TRPM8: variants seen among roughly 807,000 people sequenced by gnomAD.
TRPM8 encodes the protein transient receptor potential cation channel subfamily M member 8.
A neutral mutation model predicts 133.7 loss-of-function variants in TRPM8; 110 were observed. The observed-to-expected ratio is 0.82, with a 90% CI of 0.70 to 0.96. TRPM8 has a LOEUF of 0.96. Ranked by LOEUF, TRPM8 falls within the 40% of genes least tolerant of loss-of-function variation. TRPM8 has a pLI of 0.00. For missense variants in TRPM8, 1,291 were observed against 1,379.5 expected (o/e 0.94, Z 1.02); for synonymous variants, 535 against 532.3 (o/e 1.01, Z -0.07).
chr2:234,012,680 A>G (rs2125411943), intron 24 of TRPM8, among the ~76,000 whole-genome samples: 1 of 152,140 alleles, frequency 6.6e-6, no homozygotes, highest in African/African-American at 2.4e-5. Flanking sequence ...TCCTTGCCTT[A>G]TTCTTGATCT....
chr2:233,966,687 G>A lies in TRPM8; in HGVS notation c.1957G>A (p.Gly653Arg), dbSNP rs1389644646. Residue 653 changes from glycine to arginine, a missense_variant, in exon 15 of 26, where the codon GGA becomes AGA. Physicochemically the swap from Gly to Arg is moderately radical, Grantham distance 125. This residue lies in a region of TRPM8 where 963 missense variants were observed against 968.9 expected (regional missense o/e 0.99). Coordinates refer to ENST00000324695, the MANE Select transcript of TRPM8 (RefSeq NM_024080.5). ...GGTCTATTCCTGTGAAGCTTGGGGT[G>A]GAAGCAACTGTCTGGAGCTGGCGGT... ...LLVYSCEAWG[G>R]SNCLELAVEA... 2.5e-6 allele frequency: 4 copies of A among 1,613,722 alleles called. No homozygotes were observed. The highest frequency in any genetic ancestry group is 1.7e-4 in the Middle Eastern group (1 of 6,058).
chr2:233,966,656 G>A lies in TRPM8; in HGVS notation c.1926G>A (p.Gln642=). The change falls in exon 15 of 26, where the codon CAG becomes CAA. Residue 642 remains glutamine, a synonymous_variant. Coordinates refer to ENST00000324695, the MANE Select transcript of TRPM8 (RefSeq NM_024080.5). Reference sequence around the variant, plus strand: ...GCAGCGATGAAGACTTGGCAGAACAGCTGCTGGTCTATTCCTGTGAAGCTT... The same window carrying A: ...GCAGCGATGAAGACTTGGCAGAACAACTGCTGGTCTATTCCTGTGAAGCTT... ...CYSSDEDLAE[Q]LLVYSCEAWG... 6.2e-7 allele frequency: 1 copy of A among 1,614,090 alleles called. No individual in the cohort carries two copies. The highest frequency in any genetic ancestry group is 1.7e-5 in the Admixed American group (1 of 60,010).
intron 22 of TRPM8, among the ~76,000 whole-genome samples, chr2:234,000,685 T>A (rs1395566281): frequency 2.0e-5 from 3 of 151,840 alleles, no homozygotes; most frequent in African/African-American, 7.3e-5. Flanking sequence ...AACAACCTTT[T>A]TTTTTTTTTC....
intron 25 of TRPM8, 108 bp from the exon 26 acceptor site, chr2:234,017,191 A>T: frequency 5.1e-6 from 2 of 388,978 alleles, no homozygotes; most frequent in African/African-American, 2.1e-5. Flanking sequence ...GTATATTTGG[A>T]TCTATTCCCA....
At chr2:233,999,322 G>A (rs1692490267) in intron 22 of TRPM8, among the ~76,000 whole-genome samples, 1 of 152,218 alleles carries the variant, frequency 6.6e-6, no homozygotes, top group Non-Finnish European at 1.5e-5. Context: ...ACACATAGCA[G>A]CTGGGTTCCT....
intron 14 of TRPM8, 143 bp downstream of exon 14, chr2:233,964,900 G>A (rs1574733605): frequency 2.6e-6 from 2 of 772,620 alleles, no homozygotes; most frequent in East Asian, 2.8e-5. Flanking sequence ...AGACCACAAG[G>A]TCTGGATGCG....
chr2:233,936,946 G>T (rs1327115206), intron 3 of TRPM8, among the ~76,000 whole-genome samples: 3 of 143,756 alleles, frequency 2.1e-5, no homozygotes, highest in Non-Finnish European at 4.5e-5. Flanking sequence ...ACCCAGGTTG[G>T]AGTGCAGTGG....
At chr2:233,959,897 T>C (rs891375051) in intron 11 of TRPM8, among the ~76,000 whole-genome samples, 1 of 151,770 alleles carries the variant, frequency 6.6e-6, no homozygotes, top group Non-Finnish European at 1.5e-5. Context: ...TTCTCGTGCC[T>C]CAGCCTCCCA....
chr2:233,969,996 G>A (rs1033530843), intron 16 of TRPM8, 189 bp downstream of exon 16: 2 of 666,456 alleles, frequency 3.0e-6, no homozygotes, highest in Middle Eastern at 4.2e-4. Flanking sequence ...GTAGGGGTGG[G>A]GTTGTGTCTT....
Position 233,920,855 on chromosome 2 carries a change from A to ATTT in TRPM8, c.-6+3439_-6+3441dup, listed in dbSNP as rs10685994. On this transcript the variant is annotated intron_variant, in intron 1 of 25. Coordinates refer to ENST00000324695, the MANE Select transcript of TRPM8 (RefSeq NM_024080.5). ...TGCAAAGGCTTTATCAGATTTCACCATTTTTTTTTTTTTTTTTTGAGATGG... is the reference window on the plus strand; with the variant it reads ...TGCAAAGGCTTTATCAGATTTCACCATTTTTTTTTTTTTTTTTTTTTGAGATGG... Among the ~76,000 whole-genome samples the ATTT allele has an allele frequency of 8.7e-3, 1,127 of 129,266 alleles. 28 individuals are homozygous for ATTT. Among genetic ancestry groups the ATTT allele is most frequent in the African/African-American group, 0.03 (1,041 of 34,236 alleles). 84.8% of individuals were successfully genotyped at this position (129,266 alleles called of 152,430 possible).
chr2:233,943,731 GA>G (rs1690974314), intron 6 of TRPM8, among the ~76,000 whole-genome samples: 1 of 152,126 alleles, frequency 6.6e-6, no homozygotes, highest in African/African-American at 2.4e-5. Flanking sequence ...GTAGAATTTT[GA>G]AAACAACATT....
chr2:233,947,588 T>C, intron 8 of TRPM8: 1 of 1,290,732 alleles, frequency 7.7e-7, no homozygotes. Context: ...TGCAGGTATG[T>C]TGCATGATGG....
chr2:233,924,496 A>C (rs369975110), intron 1 of TRPM8, among the ~76,000 whole-genome samples: 1 of 151,968 alleles, frequency 6.6e-6, no homozygotes, highest in Non-Finnish European at 1.5e-5. Context: ...TCCTGCAACA[A>C]TGTGTCTAGA....
intron 1 of TRPM8, among the ~76,000 whole-genome samples, chr2:233,923,402 C>T (rs879894805): frequency 2.6e-5 from 4 of 152,300 alleles, no homozygotes; most frequent in Admixed American, 2.6e-4. Flanking sequence ...CTCCATGGCT[C>T]CTCTAGCAAT....
At chr2:233,952,114 G>T (rs554748969) in intron 9 of TRPM8, among the ~76,000 whole-genome samples, 3 of 152,160 alleles carry the variant, frequency 2.0e-5, no homozygotes, top group Non-Finnish European at 4.4e-5. Flanking sequence ...TATCATTCGT[G>T]TATTCATCTT....
intron 1 of TRPM8, among the ~76,000 whole-genome samples, chr2:233,923,154 C>T (rs1031253463): frequency 2.0e-5 from 3 of 152,204 alleles, no homozygotes; most frequent in Non-Finnish European, 4.4e-5. Context: ...CAGGTGTGAG[C>T]CACCGTGCCC....
intron 21 of TRPM8, among the ~76,000 whole-genome samples, chr2:233,988,082 A>G (rs897764849): frequency 1.3e-5 from 2 of 151,998 alleles, no homozygotes; most frequent in African/African-American, 2.4e-5. Flanking sequence ...AAGGATTTCA[A>G]TATTTCCCTA....
chr2:233,920,651 C>A (rs1691388296), intron 1 of TRPM8, among the ~76,000 whole-genome samples: 1 of 152,118 alleles, frequency 6.6e-6, no homozygotes, highest in South Asian at 2.1e-4. Context: ...GCCCAGTGTG[C>A]TTTTGGCATA....
At chr2:233,948,422 G>A (rs17864748) in intron 8 of TRPM8, among the ~76,000 whole-genome samples, 95 of 152,216 alleles carry the variant, frequency 6.2e-4, no homozygotes, top group Non-Finnish European at 1.2e-3. Flanking sequence ...ACTGCTCAAG[G>A]TCATCACCAA....
Sources: gnomAD v4.1 joint callset for allele counts (sites outside exome capture counted in the v4.1 genomes callset) on GRCh38, gnomAD v4.1.1 for gene constraint, gnomAD v4.1.1 regional missense constraint, MANE v1.5 for transcripts, NCBI Gene and HGNC (gene_info 2026-07-23, HGNC 2026-07-21) for gene names.